The following TRIO variants were observed in gnomAD, a reference collection of about 807,000 sequenced individuals.
The protein encoded by TRIO is trio Rho guanine nucleotide exchange factor, also known as triple functional domain protein.
A neutral mutation model predicts 351.9 loss-of-function variants in TRIO; 58 were observed. The ratio of observed to expected loss-of-function variants is 0.16; its 90% CI spans 0.13 to 0.21. The LOEUF (loss-of-function observed/expected upper bound fraction) is 0.21. TRIO is among the 10% of genes least tolerant of loss of function. TRIO has a pLI of 1.00. For synonymous variants in TRIO, 1,758 were observed against 1,595.7 expected (o/e 1.10, Z -2.42); for missense variants, 3,201 against 4,027.8 (o/e 0.79, Z 5.56).
chr5:14,421,563 C>T (rs62345046), intron 34 of TRIO, among the ~76,000 whole-genome samples: 26,524 of 147,868 alleles, frequency 0.18, 4,873 homozygotes, highest in African/African-American at 0.48. Context: ...GAGATCGCAC[C>T]ATTGCACTCC....
At chr5:14,481,860 A>C (rs1031324857) in intron 45 of TRIO, 3 of 474,912 alleles carry the variant, frequency 6.3e-6, no homozygotes, top group Middle Eastern at 5.6e-4. Context: ...TGGCAGAAAC[A>C]AGCAGGACCG....
At chr5:14,318,691 T>C (rs1739599871) in intron 9 of TRIO, among the ~76,000 whole-genome samples, 1 of 152,180 alleles carries the variant, frequency 6.6e-6, no homozygotes, top group South Asian at 2.1e-4. Context: ...TGAAGAGGGA[T>C]TGAGAGGACA....
chr5:14,401,166 TGTTTG>T, intron 31 of TRIO, 102 bp downstream of exon 31: 4 of 970,860 alleles, frequency 4.1e-6, no homozygotes, highest in Non-Finnish European at 6.2e-6. Flanking sequence ...TTGTTGTTGT[TGTTTG>T]TGTGTGTGTG....
At chr5:14,462,296 T>G (rs1001795357) in intron 35 of TRIO, among the ~76,000 whole-genome samples, 6 of 152,242 alleles carry the variant, frequency 3.9e-5, no homozygotes, top group Non-Finnish European at 7.3e-5. Context: ...AAAGTGAGAA[T>G]AGAGGAAAAG....
chr5:14,358,572 T>C (rs980626934), intron 12 of TRIO, among the ~76,000 whole-genome samples: 4 of 152,182 alleles, frequency 2.6e-5, no homozygotes, highest in African/African-American at 9.7e-5. Flanking sequence ...TAGTTTTCAT[T>C]ATAACATCGA....
intron 49 of TRIO, among the ~76,000 whole-genome samples, chr5:14,496,357 T>C (rs6895113): frequency 0.3 from 46,116 of 152,038 alleles, 7,365 homozygotes; most frequent in Middle Eastern, 0.43. Flanking sequence ...AGTCCAAATC[T>C]GCATGTGGAC....
At chr5:14,226,470 A>G (rs1793039895) in intron 1 of TRIO, among the ~76,000 whole-genome samples, 1 of 152,214 alleles carries the variant, frequency 6.6e-6, no homozygotes, top group Non-Finnish European at 1.5e-5. Context: ...CGACAAACAG[A>G]ATAATTTTAC....
intron 11 of TRIO, among the ~76,000 whole-genome samples, chr5:14,342,315 G>T (rs1177769976): frequency 2.0e-5 from 3 of 152,252 alleles, no homozygotes; most frequent in African/African-American, 7.2e-5. Flanking sequence ...AGAGGGCCCA[G>T]ATTTCTTTTC....
intron 1 of TRIO, among the ~76,000 whole-genome samples, chr5:14,245,307 A>T (rs1794369295): frequency 6.6e-6 from 1 of 152,146 alleles, no homozygotes; most frequent in African/African-American, 2.4e-5. Context: ...CTTTCACTGA[A>T]GTTTCTTATT....
At chr5:14,279,372 T>C (rs892561087) in intron 2 of TRIO, among the ~76,000 whole-genome samples, 1 of 152,192 alleles carries the variant, frequency 6.6e-6, no homozygotes, top group African/African-American at 2.4e-5. Context: ...TTTTTATTTG[T>C]TTGCTTTCTT....
chr5:14,285,433 A>G (rs1325781693), intron 3 of TRIO, among the ~76,000 whole-genome samples: 1 of 151,630 alleles, frequency 6.6e-6, no homozygotes, highest in Non-Finnish European at 1.5e-5. Flanking sequence ...CCTCTTACTG[A>G]TGTAGATGTC....
intron 9 of TRIO, among the ~76,000 whole-genome samples, chr5:14,326,486 A>G (rs983935846): frequency 6.6e-6 from 1 of 152,210 alleles, no homozygotes; most frequent in Non-Finnish European, 1.5e-5. Context: ...GCACTGGTGT[A>G]CTGAGGAATG....
At chr5:14,309,032 C>T (rs1738662393) in intron 8 of TRIO, among the ~76,000 whole-genome samples, 1 of 152,032 alleles carries the variant, frequency 6.6e-6, no homozygotes, top group Non-Finnish European at 1.5e-5. Context: ...CACCCAGCCA[C>T]TCAGCCACTC....
chr5:14,210,263 C>G (rs992258849), intron 1 of TRIO, among the ~76,000 whole-genome samples: 56 of 152,220 alleles, frequency 3.7e-4, no homozygotes, highest in African/African-American at 1.3e-3. Flanking sequence ...AGGACAGCTT[C>G]CTTGTTGACA....
intron 48 of TRIO, chr5:14,489,189 T>G (rs1193944714): frequency 5.1e-6 from 3 of 587,394 alleles, no homozygotes; most frequent in South Asian, 4.5e-5. Flanking sequence ...AGCTTTTGCA[T>G]GTCTTTCTCT....
chr5:14,368,638 C>A (rs1744805212), intron 16 of TRIO, 70 bp from the exon 17 acceptor site: 3 of 1,497,716 alleles, frequency 2.0e-6, no homozygotes, highest in Admixed American at 2.0e-5. Context: ...GTAACTGTAG[C>A]CATCCTGGTT....
chr5:14,500,998 G>T lies in TRIO; in HGVS notation c.8333-1581G>T, dbSNP rs536819268. ...TGCTCTGTCTCTGGGTCTGGTTGGT[G>T]GTCACAGAGTCGCCATTTATGTTTG... On this transcript the variant is annotated intron_variant, in intron 53 of 56. Transcript: ENST00000344204. 4.6e-5 allele frequency among the ~76,000 whole-genome samples: 7 copies of T among 150,846 alleles called. No individual in the cohort carries two copies. In the East Asian group the frequency reaches 1.4e-3, roughly 29 times the overall value.
chr5:14,445,327 AC>A (rs1338321900), intron 34 of TRIO, among the ~76,000 whole-genome samples: 1 of 151,754 alleles, frequency 6.6e-6, no homozygotes. Flanking sequence ...CAAACCACAT[AC>A]CCCCCGCCAA....
intron 9 of TRIO, among the ~76,000 whole-genome samples, chr5:14,328,157 C>A (rs527458802): frequency 1.3e-5 from 2 of 152,014 alleles, no homozygotes. Context: ...ACGCCCAATA[C>A]GCTAGTTAAA....
Sources: gnomAD v4.1 joint callset for allele counts (sites outside exome capture counted in the v4.1 genomes callset) on GRCh38, gnomAD v4.1.1 for gene constraint, MANE v1.5 for transcripts, NCBI Gene and HGNC (gene_info 2026-07-23, HGNC 2026-07-21) for gene names.